ANO10: variants seen among roughly 807,000 people sequenced by gnomAD.
ANO10 encodes anoctamin 10, also known as anoctamin-10.
Under a neutral mutation model 74.7 loss-of-function variants are expected in ANO10, and 77 were observed. That is an observed-to-expected ratio of 1.03 (90% CI 0.86 to 1.25). The LOEUF is 1.25. Among genes scored for constraint, ANO10 ranks in the 50% most tolerant of loss-of-function variants. The pLI is 0.00. For missense variants in ANO10, 721 were observed against 778.1 expected, an observed-to-expected ratio of 0.93 and a Z score of 0.87; for synonymous variants, 279 against 284.9, an observed-to-expected ratio of 0.98 and a Z score of 0.21.
At chr3:43,580,066 G>C (rs2081193884) in intron 5 of ANO10, among the ~76,000 whole-genome samples, 1 of 149,844 alleles carries the variant, frequency 6.7e-6, no homozygotes, top group Non-Finnish European at 1.5e-5. Context: ...GATTGATTAA[G>C]TCTGGAAGGT....
At chr3:43,585,728 C>T (rs1440293033) in intron 4 of ANO10, among the ~76,000 whole-genome samples, 1 of 152,154 alleles carries the variant, frequency 6.6e-6, no homozygotes, top group Non-Finnish European at 1.5e-5. Flanking sequence ...CCCCAGTCTG[C>T]TTTGTATTTT....
chr3:43,588,828 G>A (rs2081593419), intron 4 of ANO10, among the ~76,000 whole-genome samples: 1 of 152,158 alleles, frequency 6.6e-6, no homozygotes. Flanking sequence ...AGATCTTTAT[G>A]CAGCCAAAAC....
At chr3:43,659,768 GCCT>G (rs1273049773) in intron 1 of ANO10, among the ~76,000 whole-genome samples, 1 of 152,204 alleles carries the variant, frequency 6.6e-6, no homozygotes, top group African/African-American at 2.4e-5. Flanking sequence ...GGACTAAACT[GCCT>G]CCTCAAGTGG....
intron 12 of ANO10, among the ~76,000 whole-genome samples, chr3:43,400,864 G>A (rs372995019): frequency 1.3e-5 from 2 of 152,200 alleles, no homozygotes; most frequent in African/African-American, 2.4e-5. Flanking sequence ...ACAGTGAGAT[G>A]AGGATGAGGG....
intron 12 of ANO10, among the ~76,000 whole-genome samples, chr3:43,406,339 T>C (rs1312104197): frequency 6.6e-6 from 1 of 152,190 alleles, no homozygotes; most frequent in African/African-American, 2.4e-5. Context: ...GCAACTGTTC[T>C]CACTCACCAC....
chr3:43,490,246 C>T (rs749818388), intron 11 of ANO10, among the ~76,000 whole-genome samples: 2 of 152,168 alleles, frequency 1.3e-5, no homozygotes, highest in Non-Finnish European at 1.5e-5. Context: ...TCTCCAACTA[C>T]GCCACAACAA....
intron 1 of ANO10, among the ~76,000 whole-genome samples, chr3:43,647,529 C>G (rs1029563651): frequency 6.6e-6 from 1 of 152,148 alleles, no homozygotes; most frequent in Admixed American, 6.5e-5. Flanking sequence ...CCTCTCTACT[C>G]AGACTACTGA....
At chr3:43,551,389 C>G (rs1242636451) in intron 10 of ANO10, 9 of 379,754 alleles carry the variant, frequency 2.4e-5, no homozygotes, top group Admixed American at 2.3e-4. Flanking sequence ...TTTAAAATCA[C>G]CTATATTGAG....
chr3:43,613,169 C>T (rs1222101167), intron 1 of ANO10, among the ~76,000 whole-genome samples: 1 of 149,138 alleles, frequency 6.7e-6, no homozygotes, highest in African/African-American at 2.5e-5. Flanking sequence ...AAGACTCTGT[C>T]TCAAAAAAAA....
At chr3:43,636,788 C>T (rs1024244511) in intron 1 of ANO10, among the ~76,000 whole-genome samples, 1 of 152,120 alleles carries the variant, frequency 6.6e-6, no homozygotes, top group Non-Finnish European at 1.5e-5. Context: ...TTGTTGTAAA[C>T]CTGAATTGAT....
intron 7 of ANO10, among the ~76,000 whole-genome samples, chr3:43,574,170 G>C (rs1183038483): frequency 2.0e-5 from 3 of 151,922 alleles, no homozygotes; most frequent in Non-Finnish European, 4.4e-5. Context: ...AGCCAGGCTG[G>C]TCTCAAACTC....
At chr3:43,620,632 G>T (rs372345360) in intron 1 of ANO10, among the ~76,000 whole-genome samples, 2 of 152,146 alleles carry the variant, frequency 1.3e-5, no homozygotes, top group African/African-American at 4.8e-5. Flanking sequence ...ACAAAAATTA[G>T]CCGGGCATGG....
chr3:43,586,151 G>T (rs2081472134), intron 4 of ANO10, among the ~76,000 whole-genome samples: 1 of 152,156 alleles, frequency 6.6e-6, no homozygotes, highest in African/African-American at 2.4e-5. Context: ...GGCAATGAGG[G>T]TGCGTGACAG....
chr3:43,381,411 G>A (rs1314667421), intron 12 of ANO10, among the ~76,000 whole-genome samples: 2 of 152,156 alleles, frequency 1.3e-5, no homozygotes, highest in African/African-American at 4.8e-5. Flanking sequence ...GCAAGCAGGA[G>A]TAGCCAGTCT....
intron 1 of ANO10, among the ~76,000 whole-genome samples, chr3:43,669,716 TTTTATTTATTTA>T (rs142716450): frequency 7.2e-5 from 11 of 151,922 alleles, no homozygotes; most frequent in South Asian, 4.2e-4. Flanking sequence ...TCTTTTTAGT[TTTTATTTATTTA>T]TTTATTTATT....
At chr3:43,443,402 G>A (rs1394676302) in intron 11 of ANO10, among the ~76,000 whole-genome samples, 1 of 152,186 alleles carries the variant, frequency 6.6e-6, no homozygotes, top group Admixed American at 6.5e-5. Context: ...TCTTTGGTAG[G>A]TCTGGACTTT....
At position 43,549,998 on chromosome 3, in the gene ANO10, A is replaced by G; in HGVS notation, c.1669-150T>C. ...TTTAAATTTTTTTCTCTGTCATGGT[A>G]TGATTTTTTTAGCTGAAAAAAAAGC... On this transcript the variant is annotated intron_variant, in intron 10 of 12. Coordinates refer to ENST00000292246, the MANE Select transcript of ANO10 (RefSeq NM_018075.5). 4 of 929,976 alleles carry G rather than the reference A, an allele frequency of 4.3e-6. No individual in the cohort carries two copies. In the South Asian group the frequency reaches 6.9e-5, roughly 16 times the overall value. 57.6% of individuals were successfully genotyped at this position (929,976 alleles called of 1,614,324 possible).
At chr3:43,567,797 A>G (rs2080452579) in intron 7 of ANO10, among the ~76,000 whole-genome samples, 1 of 152,158 alleles carries the variant, frequency 6.6e-6, no homozygotes, top group Non-Finnish European at 1.5e-5. Context: ...CTAACCAGCT[A>G]ACATCATAAT....
At chr3:43,661,079 A>G (rs928893660) in intron 1 of ANO10, among the ~76,000 whole-genome samples, 2 of 152,200 alleles carry the variant, frequency 1.3e-5, no homozygotes. Context: ...CCTCGAGAAG[A>G]GCAACCCCAA....
Sources: gnomAD v4.1 joint callset for allele counts (sites outside exome capture counted in the v4.1 genomes callset) on GRCh38, gnomAD v4.1.1 for gene constraint, MANE v1.5 for transcripts, NCBI Gene and HGNC (gene_info 2026-07-23, HGNC 2026-07-21) for gene names.